TAX1BP1: variants seen among roughly 807,000 people sequenced by gnomAD.
TAX1BP1 encodes the protein tax1-binding protein 1.
In TAX1BP1, 62 loss-of-function variants were observed where a neutral mutation model predicts 97.7. That is an observed-to-expected ratio of 0.63 (90% CI 0.52 to 0.78). TAX1BP1 has a LOEUF of 0.78. Among genes scored for constraint, TAX1BP1 ranks in the 30% least tolerant of loss-of-function variants. TAX1BP1 has a pLI of 0.00. For missense variants in TAX1BP1, 867 were observed against 916.1 expected, an observed-to-expected ratio of 0.95 and a Z score of 0.69; for synonymous variants, 340 against 304.2, an observed-to-expected ratio of 1.12 and a Z score of -1.23.
chr7:27,779,620 T>G (rs1315147785), intron 5 of TAX1BP1, among the ~76,000 whole-genome samples: 1 of 152,214 alleles, frequency 6.6e-6, no homozygotes, highest in Non-Finnish European at 1.5e-5. Flanking sequence ...TCAGATGAGT[T>G]ACTTGATTTG....
chr7:27,751,425 A>G (rs1373885806), intron 2 of TAX1BP1, among the ~76,000 whole-genome samples: 1 of 152,180 alleles, frequency 6.6e-6, no homozygotes, highest in East Asian at 1.9e-4. Context: ...TGTGTGTATA[A>G]TAAATATATA....
At chr7:27,776,285 A>G (rs535409061) in intron 5 of TAX1BP1, among the ~76,000 whole-genome samples, 3 of 152,072 alleles carry the variant, frequency 2.0e-5, no homozygotes, top group Non-Finnish European at 1.5e-5. Context: ...GTCTGGTATA[A>G]TTTTCCTTCT....
At chr7:27,812,433 T>G (rs1264887766) in intron 13 of TAX1BP1, among the ~76,000 whole-genome samples, 2 of 152,202 alleles carry the variant, frequency 1.3e-5, no homozygotes, top group Admixed American at 1.3e-4. Context: ...CAGTCTGTGA[T>G]TTCTTTTTTC....
intron 11 of TAX1BP1, among the ~76,000 whole-genome samples, chr7:27,795,792 C>T (rs192888786): frequency 9.8e-4 from 149 of 152,226 alleles, no homozygotes; most frequent in Middle Eastern, 6.8e-3. Context: ...GCCTCGGCCT[C>T]GACCCGCCTT....
chr7:27,760,266 A>T (rs977968999), intron 3 of TAX1BP1, among the ~76,000 whole-genome samples: 20 of 152,206 alleles, frequency 1.3e-4, no homozygotes, highest in Non-Finnish European at 2.9e-4. Context: ...AAAACCTTTA[A>T]AAAACCAAAC....
rs535462741 is a variant in TAX1BP1, at chr7:27,790,292, TTTGA to T, written c.1039-1710_1039-1707del. ...TTTAACAACTGTGTAGTATATGTTT[TTTGA>T]TTGTTTTTGATTGTTTATAGTCTTC... On this transcript the variant is annotated intron_variant, in intron 8 of 16. Transcript: ENST00000396319. Among the ~76,000 whole-genome samples, 189 of 152,112 alleles carry T rather than the reference TTTGA, an allele frequency of 1.2e-3. 2 individuals are homozygous for T. The highest frequency in any genetic ancestry group is 4.3e-3 in the African/African-American group (178 of 41,576).
intron 10 of TAX1BP1, 34 bp from the exon 11 acceptor site, chr7:27,794,289 G>A (rs1473227159): frequency 6.5e-7 from 1 of 1,546,590 alleles, no homozygotes; most frequent in Admixed American, 1.8e-5. Flanking sequence ...CTAATTCATT[G>A]ACTCATTTAA....
At chr7:27,746,993 A>T (rs1787846683) in intron 1 of TAX1BP1, among the ~76,000 whole-genome samples, 1 of 152,244 alleles carries the variant, frequency 6.6e-6, no homozygotes, top group East Asian at 1.9e-4. Context: ...ACTGTTTTAG[A>T]TCTTAGCAAT....
rs748932494 is a variant in TAX1BP1 at position 27,785,392 on chromosome 7, A to G, written c.762-7A>G. 21 of 1,607,914 alleles carry G rather than the reference A, an allele frequency of 1.3e-5. 1 individual carries two copies. Among genetic ancestry groups the G allele is most frequent in the Middle Eastern group, 1.7e-4 (1 of 6,034 alleles). Reference sequence around the variant, plus strand: ...ATTATAATGTTACTTTATCATACCTATCTTAGTTTAAAGGACAAACTCAAG... The same window carrying G: ...ATTATAATGTTACTTTATCATACCTGTCTTAGTTTAAAGGACAAACTCAAG... On this transcript the variant is annotated splice_polypyrimidine_tract_variant and splice_region_variant and intron_variant, in intron 6 of 16. Transcript: ENST00000396319.
intron 7 of TAX1BP1, among the ~76,000 whole-genome samples, chr7:27,786,388 T>C (rs1298346988): frequency 6.6e-6 from 1 of 152,220 alleles, no homozygotes; most frequent in Non-Finnish European, 1.5e-5. Context: ...CCCAAAGTGC[T>C]GGGATTACAG....
chr7:27,791,573 G>T lies in TAX1BP1; in HGVS notation c.1039-433G>T, dbSNP rs911232854. On this transcript the variant is annotated intron_variant, in intron 8 of 16. Transcript: ENST00000396319. ...TTATATTATATTGGATGTCTCTTGG[G>T]GTAGAAAGTAGGAAACATCTTTTAA... is the stretch of plus-strand genomic sequence containing the variant. Among the ~76,000 whole-genome samples the T allele has an allele frequency of 4.6e-5, 7 of 152,144 alleles. No homozygotes were observed. In the South Asian group the frequency reaches 1.0e-3, roughly 23 times the overall value.
chr7:27,783,318 G>C (rs548139385), intron 5 of TAX1BP1, among the ~76,000 whole-genome samples: 119 of 152,260 alleles, frequency 7.8e-4, no homozygotes, highest in African/African-American at 2.5e-3. Context: ...ATTCCTAGTT[G>C]TTTGAAATGG....
intron 3 of TAX1BP1, among the ~76,000 whole-genome samples, chr7:27,763,595 C>T (rs558718056): frequency 9.2e-5 from 14 of 152,066 alleles, no homozygotes; most frequent in Non-Finnish European, 1.0e-4. Flanking sequence ...GGTGAAACCC[C>T]GTCTCCACTA....
intron 13 of TAX1BP1, chr7:27,803,159 G>A (rs1298109968): frequency 1.3e-6 from 2 of 1,547,492 alleles, no homozygotes; most frequent in Non-Finnish European, 8.7e-7. Context: ...TTTCACATTT[G>A]GAAAACCTCT....
At chr7:27,820,279 CTT>C (rs1790924221) in intron 15 of TAX1BP1, among the ~76,000 whole-genome samples, 1 of 152,164 alleles carries the variant, frequency 6.6e-6, no homozygotes, top group Admixed American at 6.5e-5. Flanking sequence ...TTATTTGAAA[CTT>C]TTCACATGAG....
chr7:27,749,584 C>T (rs140027489), intron 2 of TAX1BP1, among the ~76,000 whole-genome samples: 138 of 152,232 alleles, frequency 9.1e-4, no homozygotes, highest in Non-Finnish European at 1.5e-3. Flanking sequence ...TCCAGCCTGA[C>T]GGGAAGGCAG....
At chr7:27,759,918 A>G (rs1189348789) in intron 3 of TAX1BP1, among the ~76,000 whole-genome samples, 2 of 147,106 alleles carry the variant, frequency 1.4e-5, no homozygotes, top group Non-Finnish European at 3.0e-5. Context: ...CAATGGTGTG[A>G]TCTCAGTTCA....
At chr7:27,757,647 C>G (rs891501147) in intron 2 of TAX1BP1, among the ~76,000 whole-genome samples, 21 of 151,854 alleles carry the variant, frequency 1.4e-4, no homozygotes, top group African/African-American at 5.1e-4. Context: ...CAGTATGTGC[C>G]ACCTTTGAAA....
intron 8 of TAX1BP1, among the ~76,000 whole-genome samples, chr7:27,790,398 T>A (rs576860943): frequency 6.6e-6 from 1 of 151,826 alleles, no homozygotes; most frequent in South Asian, 2.1e-4. Context: ...AATAAGTTCT[T>A]TCAAGTGGAA....
Sources: gnomAD v4.1 joint callset for allele counts (sites outside exome capture counted in the v4.1 genomes callset) on GRCh38, gnomAD v4.1.1 for gene constraint, MANE v1.5 for transcripts, NCBI Gene and HGNC (gene_info 2026-07-23, HGNC 2026-07-21) for gene names.